Variants in NTSR1 observed in about 807,000 individuals in gnomAD.
NTSR1 encodes the protein neurotensin receptor type 1.
Under a neutral mutation model 31.2 loss-of-function variants are expected in NTSR1, and 29 were observed. That is an observed-to-expected ratio of 0.93 (90% CI 0.69 to 1.27). The LOEUF (loss-of-function observed/expected upper bound fraction) is 1.27, where lower values mean the gene tolerates loss of function less well. NTSR1 is among the 50% of genes most tolerant of loss of function. NTSR1 has a pLI of 0.00. For missense variants in NTSR1, 697 were observed against 595.4 expected (o/e 1.17, Z -1.78); for synonymous variants, 282 against 269.9 (o/e 1.04, Z -0.44).
intron 1 of NTSR1, among the ~76,000 whole-genome samples, chr20:62,729,551 C>A (rs1988968002): frequency 6.6e-6 from 1 of 152,042 alleles, no homozygotes; most frequent in Non-Finnish European, 1.5e-5. Context: ...GAATGCAGAC[C>A]CCAAGGCTCA....
chr20:62,728,550 T>C (rs1028604957), intron 1 of NTSR1, among the ~76,000 whole-genome samples: 2 of 152,222 alleles, frequency 1.3e-5, no homozygotes, highest in African/African-American at 4.8e-5. Context: ...GCAAGGCTGC[T>C]TCCATTTCGG....
chr20:62,714,333 G>A lies in NTSR1; in HGVS notation c.714+4412G>A, dbSNP rs968569528. On this transcript the variant is annotated intron_variant, in intron 1 of 3. Transcript: ENST00000370501. The surrounding 1 kb of genome is among the most constrained non-coding windows in gnomAD (Gnocchi z 4.1). ...CCATGACCCTTTAGAGGAAAGGAAT[G>A]GAGTATTTTTCCTGCCTTTTCTATT... Among the ~76,000 whole-genome samples the A allele has an allele frequency of 1.3e-5, 2 of 152,208 alleles. No homozygotes were observed. The highest frequency in any genetic ancestry group is 2.9e-5 in the Non-Finnish European group (2 of 68,038).
At chr20:62,725,387 G>T (rs1161971290) in intron 1 of NTSR1, among the ~76,000 whole-genome samples, 1 of 152,264 alleles carries the variant, frequency 6.6e-6, no homozygotes, top group African/African-American at 2.4e-5. Flanking sequence ...GCGAGACACA[G>T]TGGGAAGCGG....
rs540965510 is a variant in NTSR1 at position 62,735,073 on chromosome 20, T to C, written c.715-19612T>C. Among the ~76,000 whole-genome samples, 8 of 152,290 alleles carry C rather than the reference T, an allele frequency of 5.3e-5. No homozygotes were observed. The East Asian group carries it at 1.2e-3, about 22-fold the overall frequency. ...GGCCCCATGTGGAGGCAGCCCTGCA[T>C]GATGGGCAGCAACCAGTGGGGTGCC... On this transcript the variant is annotated intron_variant, in intron 1 of 3. Transcript: ENST00000370501.
chr20:62,735,442 T>A (rs73918656), intron 1 of NTSR1: 2 of 152,068 alleles, frequency 1.3e-5, no homozygotes, highest in African/African-American at 4.8e-5. Flanking sequence ...TTCCCTTTCC[T>A]CAAAGCCCAA....
intron 1 of NTSR1, among the ~76,000 whole-genome samples, chr20:62,713,608 T>C (rs902348269): frequency 6.6e-6 from 1 of 151,796 alleles, no homozygotes; most frequent in Non-Finnish European, 1.5e-5. Context: ...GTGTTTAGAG[T>C]GTGGAGTCTG....
rs550942882 is a variant in NTSR1, at chr20:62,750,398, T to C, written c.715-4287T>C. 4.6e-5 allele frequency among the ~76,000 whole-genome samples: 7 copies of C among 152,200 alleles called. No homozygotes were observed. The East Asian group carries it at 1.4e-3, about 29-fold the overall frequency. On this transcript the variant is annotated intron_variant, in intron 1 of 3. Transcript: ENST00000370501. ...ATGGTGTGAGGACCAGAGTTAACAA[T>C]ACTGCATTGCGGCCGGGCGTGGTGG...
chr20:62,718,041 A>G (rs1427210717), intron 1 of NTSR1, among the ~76,000 whole-genome samples: 1 of 152,054 alleles, frequency 6.6e-6, no homozygotes, highest in Non-Finnish European at 1.5e-5. Context: ...GCAGGTGCAA[A>G]GACCCCAGGG....
intron 1 of NTSR1, among the ~76,000 whole-genome samples, chr20:62,735,025 T>C (rs960740330): frequency 6.6e-6 from 1 of 151,922 alleles, no homozygotes; most frequent in East Asian, 1.9e-4. Flanking sequence ...GCGTGCGGGG[T>C]GCCAGGCACC....
chr20:62,752,279 T>G (rs1057205393), intron 1 of NTSR1, among the ~76,000 whole-genome samples: 1 of 152,206 alleles, frequency 6.6e-6, no homozygotes, highest in Non-Finnish European at 1.5e-5. Context: ...TTGCTTGTTG[T>G]GGAGGTGGGG....
chr20:62,711,547 GGATCCCCCCACTCAGACCCCC>G lies in NTSR1; in HGVS notation c.714+1636_714+1656del, dbSNP rs1164118896. Among the ~76,000 whole-genome samples the G allele has an allele frequency of 3.8e-5, 4 of 104,302 alleles. No individual in the cohort carries two copies. Among genetic ancestry groups the G allele is most frequent in the Non-Finnish European group, 5.9e-5 (3 of 50,974 alleles). 68.4% of individuals were successfully genotyped at this position (104,302 alleles called of 152,430 possible). A position where few individuals can be genotyped will look rare whatever the true frequency, so the allele number is the denominator to read the frequency against. ...CAGGAGATGCCCCCACTCAGACCCC[GGATCCCCCCACTCAGACCCCC>G]GATCCCCCCGCTCAGATCCCCGATC... On this transcript the variant is annotated intron_variant, in intron 1 of 3. Transcript: ENST00000370501. This position sits in a 1 kb window ranked among gnomAD's most constrained non-coding sequence, Gnocchi z 6.4.
rs1216795167 is a variant in NTSR1 at position 62,761,405 on chromosome 20, C to T, written c.*1138C>T. ...TTTGTCACCTTCTGGCGGCGGCAGCCCTGGCCCCGGCCTCCAAGCAGTTGA... is the reference window on the plus strand; with the variant it reads ...TTTGTCACCTTCTGGCGGCGGCAGCTCTGGCCCCGGCCTCCAAGCAGTTGA... On this transcript the variant is annotated 3_prime_UTR_variant, in exon 4 of 4. Transcript: ENST00000370501. The T allele has an allele frequency of 3.3e-5, 5 of 152,414 alleles. No homozygotes were observed. The highest frequency in any genetic ancestry group is 5.9e-5 in the Non-Finnish European group (4 of 68,218). The allele number at this position is 152,414 out of a possible 1,614,324, so 9.4% of individuals were successfully genotyped here. A position where few individuals can be genotyped will look rare whatever the true frequency, so the allele number is the denominator to read the frequency against.
intron 1 of NTSR1, among the ~76,000 whole-genome samples, chr20:62,738,656 C>A (rs1160151991): frequency 6.6e-6 from 1 of 152,268 alleles, no homozygotes; most frequent in Non-Finnish European, 1.5e-5. Flanking sequence ...CCTGTGTTGG[C>A]AGGGAGCCCT....
At chr20:62,750,371 G>T (rs1365055570) in intron 1 of NTSR1, among the ~76,000 whole-genome samples, 1 of 152,148 alleles carries the variant, frequency 6.6e-6, no homozygotes, top group African/African-American at 2.4e-5. Flanking sequence ...GAGCTTTGAG[G>T]TATGGTGTGA....
intron 1 of NTSR1, among the ~76,000 whole-genome samples, chr20:62,726,733 T>G (rs1350127487): frequency 6.7e-6 from 1 of 149,880 alleles, no homozygotes; most frequent in African/African-American, 2.4e-5. Flanking sequence ...TTCACAACTG[T>G]GGAGTGCTTT....
At chr20:62,736,837 CA>C (rs1989104177) in intron 1 of NTSR1, among the ~76,000 whole-genome samples, 1 of 152,224 alleles carries the variant, frequency 6.6e-6, no homozygotes, top group Non-Finnish European at 1.5e-5. Context: ...AGGGCAGGAC[CA>C]GGGGGAGGTG....
At chr20:62,756,765 G>T (rs556401817) in intron 2 of NTSR1, 1 of 152,368 alleles carries the variant, frequency 6.6e-6, no homozygotes, top group Admixed American at 6.5e-5. Context: ...TGTGCCTGTT[G>T]TTTTAATAGT....
At chr20:62,710,683 G>C (rs1988591997) in intron 1 of NTSR1, among the ~76,000 whole-genome samples, 2 of 152,292 alleles carry the variant, frequency 1.3e-5, no homozygotes, top group Admixed American at 1.3e-4. Flanking sequence ...GAATGCGGGT[G>C]GGAAGCCCCC....
chr20:62,747,492 T>A (rs13039917), intron 1 of NTSR1, among the ~76,000 whole-genome samples: 2,919 of 57,364 alleles, frequency 0.051, 83 homozygotes, highest in African/African-American at 0.13. Flanking sequence ...CGTATGACAG[T>A]CCCACAGCTA....
Sources: gnomAD v4.1 joint callset for allele counts (sites outside exome capture counted in the v4.1 genomes callset) on GRCh38, gnomAD v4.1.1 for gene constraint, Gnocchi (gnomAD v3.1) non-coding constraint, MANE v1.5 for transcripts, NCBI Gene and HGNC (gene_info 2026-07-23, HGNC 2026-07-21) for gene names.